The following CCDC178 variants were observed in gnomAD, a reference collection of about 807,000 sequenced individuals.
CCDC178 encodes coiled-coil domain-containing protein 178.
Under a neutral mutation model 117.4 loss-of-function variants are expected in CCDC178, and 126 were observed. The ratio of observed to expected loss-of-function variants is 1.07; its 90% CI spans 0.93 to 1.24. The LOEUF is 1.24. Ranked by LOEUF, CCDC178 falls within the 50% of genes most tolerant of loss-of-function variation. CCDC178 has a pLI of 0.00. For synonymous variants in CCDC178, 283 were observed against 313.4 expected (o/e 0.90, Z 1.02); for missense variants, 1,030 against 986.9 (o/e 1.04, Z -0.59).
At chr18:33,123,145 G>A (rs2057959907) in intron 20 of CCDC178, among the ~76,000 whole-genome samples, 1 of 152,206 alleles carries the variant, frequency 6.6e-6, no homozygotes, top group East Asian at 1.9e-4. Context: ...CACTTTTGAG[G>A]AGAGTTGTGT....
chr18:33,115,858 T>G (rs1186834061), intron 20 of CCDC178, among the ~76,000 whole-genome samples: 1 of 152,038 alleles, frequency 6.6e-6, no homozygotes, highest in African/African-American at 2.4e-5. Context: ...TTATTTAGGA[T>G]AAGTGCATTT....
At position 33,248,814 on chromosome 18, in the gene CCDC178, T is replaced by C. The variant is rs553057730; in HGVS notation, c.1410-3386A>G. Among the ~76,000 whole-genome samples, 9 of 152,266 alleles carry C rather than the reference T, an allele frequency of 5.9e-5. No homozygotes were observed. The East Asian group carries it at 1.4e-3, about 23-fold the overall frequency. On this transcript the variant is annotated intron_variant, in intron 14 of 22. Transcript: ENST00000383096. ...GGATGGCTGGGTCAAATGGTATTTC[T>C]AGTTCTAGATGCTTGAGGAATCGCC...
chr18:33,265,003 T>C (rs936225987), intron 14 of CCDC178, among the ~76,000 whole-genome samples: 1 of 152,106 alleles, frequency 6.6e-6, no homozygotes, highest in Non-Finnish European at 1.5e-5. Context: ...ACTCTTCAGA[T>C]GTTTGTTTGC....
rs778271137 is a variant in CCDC178 at position 33,293,178 on chromosome 18, A to G, written c.1157T>C (p.Leu386Ser). 7 of 1,583,538 alleles carry G rather than the reference A, an allele frequency of 4.4e-6. No individual in the cohort carries two copies. In the East Asian group the frequency reaches 1.6e-4, roughly 36 times the overall value. ...IRETKSSKNELHSLSKMLEDL... is the reference protein window; with the variant it reads ...IRETKSSKNESHSLSKMLEDL... ...ACTCACCATTTTTGATAGAGAATGT[A>G]ATTCATTTTTTGATGACTTTGTTTC... Residue 386 changes from leucine (L) to serine (S), a missense_variant, in exon 12 of 23, where the codon TTA becomes TCA. Transcript: ENST00000383096.
chr18:32,971,100 C>T (rs2054913826), intron 22 of CCDC178, among the ~76,000 whole-genome samples: 1 of 151,712 alleles, frequency 6.6e-6, no homozygotes, highest in Non-Finnish European at 1.5e-5. Flanking sequence ...TGGTTTGCTC[C>T]ACCTGTCAAC....
chr18:33,424,864 C>T (rs955283384), intron 2 of CCDC178, among the ~76,000 whole-genome samples: 12 of 152,172 alleles, frequency 7.9e-5, no homozygotes, highest in African/African-American at 2.9e-4. Flanking sequence ...CTGCCTACAG[C>T]CCCGAGTGTT....
At chr18:33,108,606 T>C (rs1439889420) in intron 20 of CCDC178, among the ~76,000 whole-genome samples, 1 of 151,602 alleles carries the variant, frequency 6.6e-6, no homozygotes, top group East Asian at 1.9e-4. Flanking sequence ...TGATGATTTG[T>C]TGATTATATT....
intron 20 of CCDC178, among the ~76,000 whole-genome samples, chr18:33,099,273 T>C (rs1209187255): frequency 6.6e-6 from 1 of 152,068 alleles, no homozygotes; most frequent in African/African-American, 2.4e-5. Context: ...ACTGTTTCAA[T>C]AGTATATGAT....
chr18:32,960,625 C>A (rs1164364805), intron 22 of CCDC178, among the ~76,000 whole-genome samples: 4 of 152,030 alleles, frequency 2.6e-5, no homozygotes, highest in Non-Finnish European at 5.9e-5. Flanking sequence ...CTAAATTGGA[C>A]CCACAGAAAT....
At chr18:33,233,593 T>TA (rs1210118593) in intron 15 of CCDC178, among the ~76,000 whole-genome samples, 1 of 152,032 alleles carries the variant, frequency 6.6e-6, no homozygotes, top group Admixed American at 6.6e-5. Context: ...GTTTTTTTTT[T>TA]ATCCTGAACA....
At chr18:32,942,671 T>C (rs1407082431) in intron 22 of CCDC178, among the ~76,000 whole-genome samples, 1 of 152,172 alleles carries the variant, frequency 6.6e-6, no homozygotes, top group Non-Finnish European at 1.5e-5. Context: ...AAAAGCTATA[T>C]TTCAGCTTTG....
chr18:33,322,139 T>G lies in CCDC178; in HGVS notation c.1022+1352A>C, dbSNP rs144609095. Among the ~76,000 whole-genome samples, 633 of 151,960 alleles carry G rather than the reference T, an allele frequency of 4.2e-3. 1 individual carries two copies. The highest frequency in any genetic ancestry group is 0.015 in the African/African-American group (611 of 41,512). ...TCAAAATATAGGAAGCAAAAACTGA[T>G]AAAAATAATTATGTAGACAGATGTA... On this transcript the variant is annotated intron_variant, in intron 11 of 22. Coordinates refer to ENST00000383096, the MANE Select transcript of CCDC178 (RefSeq NM_001105528.4).
At chr18:33,122,759 T>C (rs1359913809) in intron 20 of CCDC178, among the ~76,000 whole-genome samples, 1 of 152,170 alleles carries the variant, frequency 6.6e-6, no homozygotes, top group African/African-American at 2.4e-5. Flanking sequence ...TAACTGCAGC[T>C]AATGACTGGA....
chr18:33,235,925 A>G (rs2059421623), intron 15 of CCDC178, among the ~76,000 whole-genome samples: 1 of 152,224 alleles, frequency 6.6e-6, no homozygotes, highest in Non-Finnish European at 1.5e-5. Context: ...TTTTCTGAAT[A>G]GGTCAGTTAT....
At chr18:33,144,208 T>C (rs1434078985) in intron 20 of CCDC178, among the ~76,000 whole-genome samples, 1 of 152,142 alleles carries the variant, frequency 6.6e-6, no homozygotes, top group African/African-American at 2.4e-5. Flanking sequence ...ATGAAAGACT[T>C]AACTAAAATA....
At chr18:33,385,146 A>C (rs1251600923) in intron 5 of CCDC178, among the ~76,000 whole-genome samples, 1 of 152,222 alleles carries the variant, frequency 6.6e-6, no homozygotes, top group Non-Finnish European at 1.5e-5. Flanking sequence ...TAAAGGGTTC[A>C]ATTCAACAAG....
In CCDC178 at chr18:33,346,201, CTAT is replaced by C. The variant is rs2062890516; in HGVS notation, c.658+7_658+9del. On this transcript the variant is annotated splice_region_variant and intron_variant, in intron 9 of 22. Coordinates refer to ENST00000383096, the MANE Select transcript of CCDC178 (RefSeq NM_001105528.4). ...AGAATAAGAAGTAATATAAAAATCCCTATTATTACCTTTCTGCACAGCCAATGG... is the reference window on the plus strand; with the variant it reads ...AGAATAAGAAGTAATATAAAAATCCCTATTACCTTTCTGCACAGCCAATGG... The C allele has an allele frequency of 6.3e-7, 1 of 1,584,710 alleles. No individual in the cohort carries two copies. The highest frequency in any genetic ancestry group is 8.6e-7 in the Non-Finnish European group (1 of 1,157,724).
intron 14 of CCDC178, among the ~76,000 whole-genome samples, chr18:33,263,854 C>T (rs1957811966): frequency 6.6e-6 from 1 of 151,862 alleles, no homozygotes; most frequent in Non-Finnish European, 1.5e-5. Flanking sequence ...CAACTTTATC[C>T]TAGGACTTAA....
At chr18:33,122,721 C>T (rs1354013736) in intron 20 of CCDC178, among the ~76,000 whole-genome samples, 1 of 152,094 alleles carries the variant, frequency 6.6e-6, no homozygotes, top group African/African-American at 2.4e-5. Flanking sequence ...GTTATTGACC[C>T]AGAGAATTTG....
Sources: allele counts gnomAD v4.1 joint callset (sites outside exome capture counted in the v4.1 genomes callset), GRCh38; gene constraint gnomAD v4.1.1; transcripts MANE v1.5; gene names NCBI Gene and HGNC (gene_info 2026-07-23, HGNC 2026-07-21).